The following CPXM2 variants were observed in gnomAD, a reference collection of about 807,000 sequenced individuals.
The protein encoded by CPXM2 is inactive carboxypeptidase-like protein X2.
CPXM2 carries 66 observed loss-of-function variants against 86.1 expected under a neutral mutation model. The observed-to-expected ratio is 0.77, with a 90% CI of 0.63 to 0.94. The LOEUF (loss-of-function observed/expected upper bound fraction) is 0.94. Among genes scored for constraint, CPXM2 ranks in the 40% least tolerant of loss-of-function variants. CPXM2 has a pLI of 0.00. For synonymous variants in CPXM2, 388 were observed against 400.2 expected (o/e 0.97, Z 0.36); for missense variants, 948 against 1,026.3 (o/e 0.92, Z 1.04).
At chr10:123,825,703 A>C (rs573318947) in intron 4 of CPXM2, among the ~76,000 whole-genome samples, 5 of 152,310 alleles carry the variant, frequency 3.3e-5, no homozygotes, top group African/African-American at 1.2e-4. Context: ...TTAAAAAAAG[A>C]GTTCTCTATA....
intron 6 of CPXM2, among the ~76,000 whole-genome samples, chr10:123,793,394 C>A (rs1310974338): frequency 7.6e-6 from 1 of 131,772 alleles, no homozygotes; most frequent in Non-Finnish European, 1.5e-5. Context: ...ACCTGGGAGG[C>A]GGAGGTTGCA....
intron 2 of CPXM2, among the ~76,000 whole-genome samples, chr10:123,915,608 T>C (rs1367789049): frequency 1.3e-5 from 2 of 152,136 alleles, no homozygotes; most frequent in Admixed American, 1.3e-4. Flanking sequence ...ATCTCAGCTA[T>C]CTGCTGAGCC....
chr10:123,763,416 T>A (rs1246400823), intron 10 of CPXM2, among the ~76,000 whole-genome samples: 1 of 152,148 alleles, frequency 6.6e-6, no homozygotes, highest in Non-Finnish European at 1.5e-5. Context: ...ATCCTACCTA[T>A]CCACCCTCCT....
In CPXM2 at chr10:123,757,337, C is replaced by A; in HGVS notation, c.1793G>T (p.Ser598Ile). The A allele has an allele frequency of 6.2e-7, 1 of 1,613,686 alleles. No homozygotes were observed. The highest frequency in any genetic ancestry group is 1.1e-5 in the South Asian group (1 of 91,046). ...TTCGAAGCAGTTTGTATGAAGGTAGCTGAAATCGTTCAGACCTGCCAAGCC... is the reference window on the plus strand; with the variant it reads ...TTCGAAGCAGTTTGTATGAAGGTAGATGAAATCGTTCAGACCTGCCAAGCC... ...HTVAGSLNDFSYLHTNCFELS... is the reference protein window; with the variant it reads ...HTVAGSLNDFIYLHTNCFELS... Residue 598 changes from serine (S) to isoleucine (I), a missense_variant, in exon 12 of 14, where the codon AGC becomes ATC. By Grantham distance (142) the Ser-to-Ile change is moderately radical. Coordinates refer to ENST00000241305, the MANE Select transcript of CPXM2 (RefSeq NM_198148.3).
intron 2 of CPXM2, chr10:123,939,389 T>G (rs1430034705): frequency 6.6e-6 from 1 of 152,194 alleles, no homozygotes; most frequent in Non-Finnish European, 1.5e-5. Context: ...TTCTCGGTCA[T>G]GCTGGTGGCT....
intron 11 of CPXM2, 152 bp from the exon 12 acceptor site, chr10:123,757,504 C>T: frequency 1.5e-6 from 1 of 664,124 alleles, no homozygotes; most frequent in Non-Finnish European, 2.6e-6. Context: ...CAAAAATTTG[C>T]ATTAGAGCAA....
chr10:123,860,771 G>A (rs555081091), intron 3 of CPXM2, among the ~76,000 whole-genome samples: 3 of 124,840 alleles, frequency 2.4e-5, no homozygotes, highest in African/African-American at 3.4e-5. Context: ...AAGCTTTGCG[G>A]GCTCATGTGT....
intron 4 of CPXM2, among the ~76,000 whole-genome samples, chr10:123,822,744 ATAATAATAG>A (rs1847955487): frequency 1.3e-5 from 2 of 151,762 alleles, no homozygotes; most frequent in African/African-American, 2.4e-5. Flanking sequence ...AATAATAATA[ATAATAATAG>A]AATTTTCCAG....
intron 2 of CPXM2, among the ~76,000 whole-genome samples, chr10:123,909,889 C>A (rs1363567259): frequency 6.6e-6 from 1 of 152,210 alleles, no homozygotes; most frequent in Admixed American, 6.5e-5. Flanking sequence ...TCAACACAAT[C>A]TCATGCCAAC....
chr10:123,880,154 AC>A, intron 2 of CPXM2, 56 bp downstream of exon 2: 1 of 224,166 alleles, frequency 4.5e-6, no homozygotes, highest in Non-Finnish European at 8.9e-6. Context: ...GTACCCACCC[AC>A]CCTCCCTGAA....
intron 4 of CPXM2, among the ~76,000 whole-genome samples, chr10:123,827,713 T>C (rs1267550102): frequency 6.6e-6 from 1 of 152,294 alleles, no homozygotes; most frequent in East Asian, 1.9e-4. Flanking sequence ...TAAACAAGAT[T>C]ATTTTAAAAT....
intron 4 of CPXM2, among the ~76,000 whole-genome samples, chr10:123,807,007 C>A (rs1252769946): frequency 6.6e-6 from 1 of 152,128 alleles, no homozygotes; most frequent in Non-Finnish European, 1.5e-5. Flanking sequence ...TCTACTGAGC[C>A]CCAGCTGTAA....
chr10:123,840,806 T>C (rs921148421), intron 4 of CPXM2, among the ~76,000 whole-genome samples: 1 of 152,180 alleles, frequency 6.6e-6, no homozygotes, highest in Non-Finnish European at 1.5e-5. Flanking sequence ...TATAAGAAAG[T>C]CCCCTTTGCA....
At chr10:123,801,852 C>A (rs1489978354) in intron 4 of CPXM2, among the ~76,000 whole-genome samples, 1 of 152,212 alleles carries the variant, frequency 6.6e-6, no homozygotes, top group East Asian at 1.9e-4. Context: ...CTTCTCTCCT[C>A]CTCTGTCTGC....
At chr10:123,810,516 GAATT>G (rs1847667039) in intron 4 of CPXM2, among the ~76,000 whole-genome samples, 1 of 151,922 alleles carries the variant, frequency 6.6e-6, no homozygotes, top group Non-Finnish European at 1.5e-5. Context: ...TTCTAAAATA[GAATT>G]AATAAGAGAG....
intron 2 of CPXM2, among the ~76,000 whole-genome samples, chr10:123,922,746 T>C (rs965948952): frequency 6.6e-6 from 1 of 152,214 alleles, no homozygotes; most frequent in Non-Finnish European, 1.5e-5. Flanking sequence ...AGTTCTTCTT[T>C]ATGCAACATC....
chr10:123,889,219 G>A (rs905782361), intron 1 of CPXM2, among the ~76,000 whole-genome samples: 1 of 152,206 alleles, frequency 6.6e-6, no homozygotes, highest in Non-Finnish European at 1.5e-5. Flanking sequence ...TCTGAGATGT[G>A]TTTTGTAGGG....
At position 123,780,174 on chromosome 10, in the gene CPXM2, A is replaced by G; in HGVS notation, c.971T>C (p.Met324Thr). Residue 324 changes from methionine (M) to threonine (T), a missense_variant, in exon 7 of 14, where the codon ATG becomes ACG. Coordinates refer to ENST00000241305, the MANE Select transcript of CPXM2 (RefSeq NM_198148.3). ...TTGTGATCTGGGTCTTACCTGGCGC[A>G]TTTCCTTATAATTGTGGTGCTTAAA... The part of the protein sequence containing the change: ...LDFKHHNYKE[M>T]RQLMKVVNEM... 3 of 1,600,532 alleles carry G rather than the reference A, an allele frequency of 1.9e-6. No individual in the cohort carries two copies. Among genetic ancestry groups the G allele is most frequent in the Non-Finnish European group, 1.7e-6 (2 of 1,167,718 alleles).
chr10:123,785,987 T>C (rs1036515555), intron 6 of CPXM2, among the ~76,000 whole-genome samples: 12 of 152,204 alleles, frequency 7.9e-5, no homozygotes, highest in Non-Finnish European at 7.3e-5. Flanking sequence ...TGCCTGCAGA[T>C]GTCTTCTAGT....
Sources: allele counts gnomAD v4.1 joint callset (sites outside exome capture counted in the v4.1 genomes callset), GRCh38; gene constraint gnomAD v4.1.1; transcripts MANE v1.5; gene names NCBI Gene and HGNC (gene_info 2026-07-23, HGNC 2026-07-21).